PTPRD: variants seen among roughly 807,000 people sequenced by gnomAD.
PTPRD encodes the protein protein tyrosine phosphatase receptor type D.
Under a neutral mutation model 214.5 loss-of-function variants are expected in PTPRD, and 34 were observed. The observed-to-expected ratio is 0.16, with a 90% CI of 0.12 to 0.21. PTPRD has a LOEUF of 0.21. PTPRD is among the 10% of genes least tolerant of loss of function. The pLI is 1.00. For missense variants in PTPRD, 2,545 were observed against 2,398.7 expected (o/e 1.06, Z -1.27); for synonymous variants, 1,128 against 845.7 (o/e 1.33, Z -5.79).
At chr9:9,796,898 A>G (rs76553457) in intron 5 of PTPRD, among the ~76,000 whole-genome samples, 225 of 152,332 alleles carry the variant, frequency 1.5e-3, no homozygotes, top group East Asian at 0.01. Flanking sequence ...AGTATACACC[A>G]TTACGTCATT....
intron 3 of PTPRD, among the ~76,000 whole-genome samples, chr9:10,219,797 T>C (rs559594063): frequency 7.3e-4 from 111 of 151,820 alleles, no homozygotes; most frequent in African/African-American, 2.6e-3. Flanking sequence ...TTAAAAATTA[T>C]ATTTCACTAC....
At chr9:9,220,179 G>A (rs1244100763) in intron 9 of PTPRD, among the ~76,000 whole-genome samples, 4 of 151,968 alleles carry the variant, frequency 2.6e-5, no homozygotes, top group African/African-American at 9.7e-5. Context: ...ACTCATGCCT[G>A]TGACATTTTT....
intron 21 of PTPRD, among the ~76,000 whole-genome samples, chr9:8,507,684 G>A (rs532421206): frequency 4.6e-5 from 7 of 152,096 alleles, no homozygotes; most frequent in Admixed American, 4.6e-4. Flanking sequence ...AAAGTATATC[G>A]GCCTCTGAAT....
At chr9:8,635,051 A>G (rs1027984395) in intron 13 of PTPRD, among the ~76,000 whole-genome samples, 2 of 147,860 alleles carry the variant, frequency 1.4e-5, no homozygotes, top group African/African-American at 2.5e-5. Flanking sequence ...GTTTAATAAT[A>G]TATATTTAAT....
chr9:10,462,504 T>C (rs1566216472), intron 2 of PTPRD, among the ~76,000 whole-genome samples: 1 of 152,180 alleles, frequency 6.6e-6, no homozygotes, highest in Non-Finnish European at 1.5e-5. Context: ...CAAAAGCCTG[T>C]GCTCTTTAGA....
chr9:10,567,624 T>C (rs1332968815), intron 2 of PTPRD, among the ~76,000 whole-genome samples: 1 of 152,038 alleles, frequency 6.6e-6, no homozygotes, highest in South Asian at 2.1e-4. Flanking sequence ...GATAGTCAAA[T>C]GGAATAAACT....
At chr9:8,784,553 G>T (rs2095861277) in intron 11 of PTPRD, among the ~76,000 whole-genome samples, 2 of 152,098 alleles carry the variant, frequency 1.3e-5, no homozygotes, top group Admixed American at 6.6e-5. Context: ...ACAGAATCTG[G>T]TTTTATTGCA....
intron 3 of PTPRD, among the ~76,000 whole-genome samples, chr9:10,233,514 A>C (rs2154357989): frequency 6.6e-6 from 1 of 151,906 alleles, no homozygotes; most frequent in South Asian, 2.1e-4. Context: ...CATCCATTTG[A>C]AAAAAAATCA....
chr9:9,429,913 T>G lies in PTPRD; in HGVS notation c.-236-32431A>C, dbSNP rs199955856. ...GATGGAATGTATCTCAAAATAATAA[T>G]AGCTATTTATGACAAACCCACAGCC... is the stretch of plus-strand genomic sequence containing the variant. On this transcript the variant is annotated intron_variant, in intron 8 of 45. Coordinates refer to ENST00000381196, the MANE Select transcript of PTPRD (RefSeq NM_002839.4). Among the ~76,000 whole-genome samples the G allele has an allele frequency of 6.6e-5, 10 of 152,098 alleles. No homozygotes were observed. The East Asian group carries it at 7.8e-4, about 12-fold the overall frequency.
chr9:10,444,743 A>G (rs1182674775), intron 2 of PTPRD, among the ~76,000 whole-genome samples: 3 of 151,990 alleles, frequency 2.0e-5, no homozygotes, highest in Non-Finnish European at 2.9e-5. Flanking sequence ...CAATTTAAAT[A>G]CAATAAAGTG....
intron 12 of PTPRD, among the ~76,000 whole-genome samples, chr9:8,709,257 G>C (rs985516390): frequency 6.6e-6 from 1 of 152,082 alleles, no homozygotes; most frequent in African/African-American, 2.4e-5. Flanking sequence ...GCTCGCACCT[G>C]TAATGCCAGC....
At chr9:9,451,481 C>T (rs909692456) in intron 8 of PTPRD, among the ~76,000 whole-genome samples, 1 of 151,594 alleles carries the variant, frequency 6.6e-6, no homozygotes, top group East Asian at 1.9e-4. Flanking sequence ...AAATCAATGG[C>T]GAATTTTCAC....
intron 5 of PTPRD, among the ~76,000 whole-genome samples, chr9:9,932,049 A>G (rs1193938351): frequency 1.3e-5 from 2 of 151,468 alleles, no homozygotes; most frequent in Admixed American, 6.6e-5. Flanking sequence ...ACAAACAGAA[A>G]GGACATCCAC....
chr9:9,234,473 T>C (rs2099965278), intron 9 of PTPRD, among the ~76,000 whole-genome samples: 1 of 152,234 alleles, frequency 6.6e-6, no homozygotes. Context: ...GATTAACATT[T>C]GGTTCCTCAT....
intron 12 of PTPRD, among the ~76,000 whole-genome samples, chr9:8,642,717 G>A (rs2096604345): frequency 1.3e-5 from 2 of 152,162 alleles, no homozygotes; most frequent in Admixed American, 6.5e-5. Flanking sequence ...GAGTTACCAT[G>A]GGACTTTACA....
chr9:9,952,433 A>T (rs774579886), intron 4 of PTPRD, among the ~76,000 whole-genome samples: 1 of 152,200 alleles, frequency 6.6e-6, no homozygotes. Context: ...AGATGTAGGT[A>T]TAACAAACAA....
chr9:9,638,298 G>A lies in PTPRD; in HGVS notation c.-286-63517C>T, dbSNP rs529748165. On this transcript the variant is annotated intron_variant, in intron 7 of 45. Transcript: ENST00000381196. ...GTCCAAAGAAGCCACACAGCATTCT[G>A]AACGCTGCTGCTAGAGACTTCTTCT... 5.9e-5 allele frequency among the ~76,000 whole-genome samples: 9 copies of A among 152,196 alleles called. No homozygotes were observed. In the East Asian group the frequency reaches 1.5e-3, roughly 26 times the overall value.
At chr9:9,407,162 T>C (rs2073775383) in intron 8 of PTPRD, among the ~76,000 whole-genome samples, 1 of 151,840 alleles carries the variant, frequency 6.6e-6, no homozygotes, top group Admixed American at 6.6e-5. Flanking sequence ...CTTATCGATA[T>C]CTGAAATTTA....
At chr9:10,593,897 G>T (rs998477917) in intron 2 of PTPRD, among the ~76,000 whole-genome samples, 2 of 151,990 alleles carry the variant, frequency 1.3e-5, no homozygotes, top group South Asian at 4.2e-4. Flanking sequence ...GCCCCAAATG[G>T]TGCTTTCTCT....
Sources: gnomAD v4.1 joint callset for allele counts (sites outside exome capture counted in the v4.1 genomes callset) on GRCh38, gnomAD v4.1.1 for gene constraint, MANE v1.5 for transcripts, NCBI Gene and HGNC (gene_info 2026-07-23, HGNC 2026-07-21) for gene names.